Variants in ITPRID1 observed in about 807,000 individuals in gnomAD.
ITPRID1 encodes protein ITPRID1.
ITPRID1 carries 96 observed loss-of-function variants against 95.4 expected under a neutral mutation model. The ratio of observed to expected loss-of-function variants is 1.01; its 90% CI spans 0.85 to 1.19. The LOEUF (loss-of-function observed/expected upper bound fraction) is 1.19. ITPRID1 is among the 50% of genes most tolerant of loss of function. The pLI, the probability that ITPRID1 is intolerant of heterozygous loss-of-function variation, is 0.00. For missense variants in ITPRID1, 1,339 were observed against 1,252.9 expected (o/e 1.07, Z -1.04); for synonymous variants, 510 against 453.6 (o/e 1.12, Z -1.58).
chr7:31,598,410 T>C lies in ITPRID1; in HGVS notation c.1228+15219T>C, dbSNP rs982039936. Among the ~76,000 whole-genome samples, 40 of 143,128 alleles carry C rather than the reference T, an allele frequency of 2.8e-4. 2 individuals carry two copies. The highest frequency in any genetic ancestry group is 9.6e-4 in the African/African-American group (37 of 38,498). 93.9% of individuals were successfully genotyped at this position (143,128 alleles called of 152,430 possible). On this transcript the variant is annotated intron_variant, in intron 10 of 14. Coordinates refer to ENST00000615280, the MANE Select transcript of ITPRID1 (RefSeq NM_001257967.3). ...TCTTTTTTTTTTTCTTTTTTTTTTT[T>C]TTTTTTTTTTTGAGACGGAGTCTCG...
intron 6 of ITPRID1, 33 bp downstream of exon 6, chr7:31,569,842 A>G (rs62447346): frequency 0.017 from 27,036 of 1,547,434 alleles, 313 homozygotes; most frequent in Admixed American, 0.031. Context: ...CTTCATGCCA[A>G]TATTTTGCAG....
intron 10 of ITPRID1, among the ~76,000 whole-genome samples, chr7:31,622,384 G>C (rs529646352): frequency 1.3e-5 from 2 of 152,098 alleles, no homozygotes; most frequent in African/African-American, 4.8e-5. Context: ...AAATGTAAAA[G>C]AACAGAAATC....
At chr7:31,621,702 C>A (rs1384915387) in intron 10 of ITPRID1, among the ~76,000 whole-genome samples, 4 of 144,712 alleles carry the variant, frequency 2.8e-5, no homozygotes, top group African/African-American at 7.8e-5. Context: ...CATCAACTAA[C>A]GAGCAAAATA....
chr7:31,620,942 A>G (rs1427585963), intron 10 of ITPRID1, among the ~76,000 whole-genome samples: 1 of 152,008 alleles, frequency 6.6e-6, no homozygotes, highest in African/African-American at 2.4e-5. Context: ...GCCAAGGCTC[A>G]AGAACTATGT....
intron 10 of ITPRID1, among the ~76,000 whole-genome samples, chr7:31,614,843 G>A (rs1402996485): frequency 6.6e-6 from 1 of 152,074 alleles, no homozygotes. Context: ...AGCCACTGAG[G>A]AAAACTCCTG....
At chr7:31,557,667 T>C (rs1355764100) in intron 5 of ITPRID1, among the ~76,000 whole-genome samples, 1 of 152,196 alleles carries the variant, frequency 6.6e-6, no homozygotes, top group Non-Finnish European at 1.5e-5. Context: ...AGGATGCACA[T>C]GCTAGATACT....
intron 7 of ITPRID1, among the ~76,000 whole-genome samples, chr7:31,573,882 T>A (rs1785082698): frequency 6.6e-6 from 1 of 151,078 alleles, no homozygotes; most frequent in East Asian, 1.9e-4. Context: ...AAAATTTTAA[T>A]AAAAATTATA....
At chr7:31,616,990 C>G (rs930391513) in intron 10 of ITPRID1, among the ~76,000 whole-genome samples, 1 of 152,234 alleles carries the variant, frequency 6.6e-6, no homozygotes, top group East Asian at 1.9e-4. Flanking sequence ...TTGCCTGTTG[C>G]TTATATTCCA....
intron 5 of ITPRID1, among the ~76,000 whole-genome samples, chr7:31,555,788 TAA>T (rs1263441716): frequency 6.6e-6 from 1 of 152,336 alleles, no homozygotes; most frequent in South Asian, 2.1e-4. Flanking sequence ...CATCTTACAT[TAA>T]GACTGACCGT....
At chr7:31,559,542 G>A (rs944350174) in intron 5 of ITPRID1, among the ~76,000 whole-genome samples, 9 of 152,050 alleles carry the variant, frequency 5.9e-5, no homozygotes, top group Admixed American at 1.3e-4. Flanking sequence ...GTGCACACCC[G>A]TAGTCCCAGC....
intron 10 of ITPRID1, among the ~76,000 whole-genome samples, chr7:31,629,778 T>A (rs905750122): frequency 2.0e-5 from 3 of 152,126 alleles, no homozygotes; most frequent in African/African-American, 7.2e-5. Flanking sequence ...TTTCAAGTTG[T>A]CATATGAAGC....
intron 10 of ITPRID1, among the ~76,000 whole-genome samples, chr7:31,622,373 C>A (rs1262570649): frequency 6.6e-6 from 1 of 152,070 alleles, no homozygotes; most frequent in African/African-American, 2.4e-5. Flanking sequence ...CTCTCCTCAG[C>A]AAATGTAAAA....
At chr7:31,589,608 C>T (rs1785776192) in intron 10 of ITPRID1, among the ~76,000 whole-genome samples, 1 of 152,072 alleles carries the variant, frequency 6.6e-6, no homozygotes. Context: ...ACAAAAATGA[C>T]ATATTGAATA....
intron 12 of ITPRID1, among the ~76,000 whole-genome samples, chr7:31,645,578 G>A (rs899086808): frequency 5.3e-5 from 8 of 151,722 alleles, no homozygotes; most frequent in East Asian, 1.9e-4. Context: ...CAGTAGGGTC[G>A]TCATCACCAT....
intron 5 of ITPRID1, among the ~76,000 whole-genome samples, chr7:31,559,172 C>G: frequency 6.6e-6 from 1 of 152,066 alleles, no homozygotes; most frequent in Middle Eastern, 3.2e-3. Flanking sequence ...TTAGCTATCT[C>G]AAATATTTTC....
rs552240883 is a variant in ITPRID1, at chr7:31,581,120, T to C, written c.1171-2014T>C. Among the ~76,000 whole-genome samples, 6 of 152,262 alleles carry C rather than the reference T, an allele frequency of 3.9e-5. No homozygotes were observed. The South Asian group carries it at 1.0e-3, about 26-fold the overall frequency. Reference sequence around the variant, plus strand: ...ATCCAATTATAAGAAATGAAAAATATGTGTGAAATTGGCAGATTTTCATGG... The same window carrying C: ...ATCCAATTATAAGAAATGAAAAATACGTGTGAAATTGGCAGATTTTCATGG... On this transcript the variant is annotated intron_variant, in intron 9 of 14. Transcript: ENST00000615280.
rs752868206 is a variant in ITPRID1, at chr7:31,577,950, C to G, written c.686C>G (p.Ala229Gly). The stretch of plus-strand genomic sequence containing the variant: ...GATGTCAGCATCCTGCCAAACAGAG[C>G]TGAAGAGAAAGCTGGAGGAGAGAGT... ...LSDVSILPNR[A>G]EEKAGGESVQ... is the part of the protein sequence containing the mutation. The change falls in exon 9 of 15, where the codon GCT (alanine) becomes GGT (glycine). Residue 229 changes from alanine to glycine, a missense_variant. Ala to Gly is a moderately conservative substitution (Grantham distance 60). Coordinates refer to ENST00000615280, the MANE Select transcript of ITPRID1 (RefSeq NM_001257967.3). 3.7e-6 allele frequency: 6 copies of G among 1,613,662 alleles called. No homozygotes were observed. The East Asian group carries it at 1.1e-4, about 30-fold the overall frequency.
At chr7:31,549,376 T>C in intron 1 of ITPRID1, 50 bp from the exon 2 acceptor site, 7 of 1,292,674 alleles carry the variant, frequency 5.4e-6, no homozygotes, top group Non-Finnish European at 7.0e-6. Context: ...AAGTTTATTT[T>C]CTGTGAGACA....
chr7:31,546,824 C>T (rs2128134678), intron 1 of ITPRID1, among the ~76,000 whole-genome samples: 1 of 152,030 alleles, frequency 6.6e-6, no homozygotes, highest in African/African-American at 2.4e-5. Flanking sequence ...TTACACTGAA[C>T]TATGGGATTA....
Sources: gnomAD v4.1 joint callset for allele counts (sites outside exome capture counted in the v4.1 genomes callset) on GRCh38, gnomAD v4.1.1 for gene constraint, MANE v1.5 for transcripts, NCBI Gene and HGNC (gene_info 2026-07-23, HGNC 2026-07-21) for gene names.